The following DCN variants were observed in gnomAD, a reference collection of about 807,000 sequenced individuals.
DCN encodes the protein bone proteoglycan II.
Under a neutral mutation model 36.5 loss-of-function variants are expected in DCN, and 17 were observed. That is an observed-to-expected ratio of 0.47 (90% CI 0.32 to 0.70). DCN has a LOEUF of 0.70. Ranked by LOEUF, DCN falls within the 30% of genes least tolerant of loss-of-function variation. DCN has a pLI of 0.04. For missense variants in DCN, 389 were observed against 430.1 expected (o/e 0.90, Z 0.84); for synonymous variants, 163 against 161.4 (o/e 1.01, Z -0.07).
At chr12:91,174,788 T>C (rs937900114) in intron 2 of DCN, among the ~76,000 whole-genome samples, 1 of 152,160 alleles carries the variant, frequency 6.6e-6, no homozygotes, top group Non-Finnish European at 1.5e-5. Context: ...CTGAAATTTG[T>C]TTATAAGAAA....
At chr12:91,158,702 C>T (rs1366260703) in intron 3 of DCN, among the ~76,000 whole-genome samples, 193 bp from the exon 4 acceptor site, 1 of 152,152 alleles carries the variant, frequency 6.6e-6, no homozygotes, top group African/African-American at 2.4e-5. Flanking sequence ...TGGCTCATGC[C>T]TGTAATCCCA....
At chr12:91,172,368 A>T (rs986639131) in intron 2 of DCN, 1 of 155,372 alleles carries the variant, frequency 6.4e-6, no homozygotes, top group Non-Finnish European at 1.4e-5. Context: ...CAACTTCATA[A>T]TTGGGACATT....
chr12:91,166,820 T>G (rs1425685089), intron 2 of DCN, among the ~76,000 whole-genome samples: 2 of 152,190 alleles, frequency 1.3e-5, no homozygotes, highest in Non-Finnish European at 2.9e-5. Context: ...TCTTGTAGTT[T>G]AGTTCTTGGA....
intron 5 of DCN, among the ~76,000 whole-genome samples, chr12:91,154,732 T>C (rs921211969): frequency 6.6e-6 from 1 of 152,170 alleles, no homozygotes; most frequent in Admixed American, 6.5e-5. Flanking sequence ...CTTTTCCTTT[T>C]TTAAGATAAA....
In DCN at chr12:91,148,721, CAAAAAAAA is replaced by C. The variant is rs5799978; in HGVS notation, c.886-2477_886-2470del. ...GGTGACAGAGCGAGACGCTCCGACT[CAAAAAAAA>C]AAAAAAAAAAAAAAAAAAAATTTGA... On this transcript the variant is annotated intron_variant, in intron 7 of 7. Transcript: ENST00000052754. Among the ~76,000 whole-genome samples the C allele has an allele frequency of 1.4e-3, 68 of 49,476 alleles. 1 individual carries two copies. The highest frequency in any genetic ancestry group is 2.3e-3 in the Non-Finnish European group (60 of 25,668). 32.5% of individuals were successfully genotyped at this position (49,476 alleles called of 152,430 possible). A position where few individuals can be genotyped will look rare whatever the true frequency, so the allele number is the denominator to read the frequency against.
chr12:91,172,536 G>C (rs375586327), intron 2 of DCN: 45 of 355,600 alleles, frequency 1.3e-4, no homozygotes, highest in African/African-American at 9.6e-4. Flanking sequence ...TTCATACATA[G>C]ATGATTCTTC....
At chr12:91,177,837 AT>A in intron 2 of DCN, 2 of 600,306 alleles carry the variant, frequency 3.3e-6, no homozygotes, top group Non-Finnish European at 6.0e-6. Flanking sequence ...GAAAGATAAG[AT>A]TTTGTCATAA....
intron 2 of DCN, among the ~76,000 whole-genome samples, chr12:91,165,275 T>C (rs1227487365): frequency 6.6e-6 from 1 of 152,180 alleles, no homozygotes; most frequent in East Asian, 1.9e-4. Flanking sequence ...TTAGTTTTCA[T>C]TGGAATGCCA....
intron 4 of DCN, among the ~76,000 whole-genome samples, chr12:91,157,927 C>A (rs1321654328): frequency 6.6e-6 from 1 of 152,146 alleles, no homozygotes; most frequent in Non-Finnish European, 1.5e-5. Flanking sequence ...CGCGCCCAGC[C>A]ATAACATATT....
At chr12:91,157,254 C>T in intron 4 of DCN, 66 bp from the exon 5 acceptor site, 1 of 1,129,340 alleles carries the variant, frequency 8.9e-7, no homozygotes, top group Non-Finnish European at 1.4e-6. Context: ...ACTGTAGTAT[C>T]TGTTTCAGCA....
chr12:91,159,511 T>C (rs569158585), intron 3 of DCN, among the ~76,000 whole-genome samples: 1 of 152,242 alleles, frequency 6.6e-6, no homozygotes, highest in Admixed American at 6.5e-5. Context: ...AATTTTAATA[T>C]AGGTTAATAA....
At chr12:91,150,596 T>C (rs925287526) in intron 7 of DCN, among the ~76,000 whole-genome samples, 2 of 152,180 alleles carry the variant, frequency 1.3e-5, no homozygotes. Flanking sequence ...AAACAGTAGA[T>C]GCTGATGAGG....
chr12:91,144,424 C>T lies in DCN; in HGVS notation c.*1634G>A, dbSNP rs1215485451. ...TAGAAACCACCTATTCAACTGTAGT[C>T]ATGAGAGGAGGATCTCTTGGGAGAT... On this transcript the variant is annotated 3_prime_UTR_variant, in exon 8 of 8. Coordinates refer to ENST00000052754, the MANE Select transcript of DCN (RefSeq NM_001920.5). 6.6e-6 allele frequency: 1 copy of T among 152,012 alleles called. No homozygotes were observed. The highest frequency in any genetic ancestry group is 1.5e-5 in the Non-Finnish European group (1 of 68,010). The allele number at this position is 152,012 out of a possible 1,614,324, so 9.4% of individuals were successfully genotyped here.
At chr12:91,170,823 T>C (rs1173831027) in intron 2 of DCN, among the ~76,000 whole-genome samples, 1 of 152,162 alleles carries the variant, frequency 6.6e-6, no homozygotes, top group Non-Finnish European at 1.5e-5. Flanking sequence ...AGATTATTTT[T>C]GATAATTGCA....
intron 7 of DCN, 99 bp from the exon 8 acceptor site, chr12:91,146,351 C>CTTTTTTTTTTTT (rs376886852): frequency 9.4e-6 from 3 of 318,286 alleles, no homozygotes; most frequent in African/African-American, 7.2e-5. Flanking sequence ...TAATCCTTCA[C>CTTTTTTTTTTTT]TTTTTTTTTT....
chr12:91,173,897 C>A (rs1369473187), intron 2 of DCN, among the ~76,000 whole-genome samples: 1 of 151,974 alleles, frequency 6.6e-6, no homozygotes, highest in East Asian at 1.9e-4. Context: ...TTCACCAGTT[C>A]AAGAAAAATG....
At chr12:91,164,467 A>AC in intron 3 of DCN, 138 bp downstream of exon 3, 1 of 454,338 alleles carries the variant, frequency 2.2e-6, no homozygotes, top group Non-Finnish European at 3.9e-6. Flanking sequence ...AAAAGTAAAA[A>AC]AAAAAAAAAA....
At chr12:91,158,782 C>T (rs989277313) in intron 3 of DCN, among the ~76,000 whole-genome samples, 2 of 151,926 alleles carry the variant, frequency 1.3e-5, no homozygotes, top group Non-Finnish European at 2.9e-5. Context: ...GCCAGCATGG[C>T]GAAATCCCGT....
At chr12:91,172,840 C>T (rs775058270) in intron 2 of DCN, 48 of 634,062 alleles carry the variant, frequency 7.6e-5, no homozygotes, top group Non-Finnish European at 1.0e-4. Flanking sequence ...AGAGGTTGTA[C>T]GAAGATAAAT....
Sources: gnomAD v4.1 joint callset for allele counts (sites outside exome capture counted in the v4.1 genomes callset) on GRCh38, gnomAD v4.1.1 for gene constraint, MANE v1.5 for transcripts, NCBI Gene and HGNC (gene_info 2026-07-23, HGNC 2026-07-21) for gene names.